Variants in TNFSF4 observed in about 807,000 individuals in gnomAD.
TNFSF4 encodes tumor necrosis factor ligand superfamily member 4.
Under a neutral mutation model 7.3 loss-of-function variants are expected in TNFSF4, and 4 were observed. The observed-to-expected ratio is 0.55, with a 90% CI of 0.27 to 1.25. The LOEUF is 1.25. Ranked by LOEUF, TNFSF4 falls within the 50% of genes most tolerant of loss-of-function variation. The probability of loss-of-function intolerance (pLI) is 0.12; values close to 1 mark genes in which losing one functional copy is unlikely to be tolerated. For synonymous variants in TNFSF4, 76 were observed against 83.7 expected (o/e 0.91, Z 0.50); for missense variants, 181 against 208.8 (o/e 0.87, Z 0.82).
At chr1:173,314,211 T>C in the TNFSF4 span, among the ~76,000 whole-genome samples, 2 of 152,180 alleles carry the variant, frequency 1.3e-5, no homozygotes, top group Non-Finnish European at 2.9e-5. Flanking sequence ...AATTTTCTGA[T>C]CCCAGTGATT....
the TNFSF4 span, among the ~76,000 whole-genome samples, chr1:173,257,089 C>T: frequency 6.6e-6 from 1 of 152,234 alleles, no homozygotes; most frequent in African/African-American, 2.4e-5. Context: ...CTCCCTCTCA[C>T]GTGGGAGAAG....
At chr1:173,429,921 G>C in the TNFSF4 span, among the ~76,000 whole-genome samples, 4 of 152,192 alleles carry the variant, frequency 2.6e-5, no homozygotes, top group Non-Finnish European at 4.4e-5. Flanking sequence ...GACGCTGTCA[G>C]CTGCTGCTTT....
the TNFSF4 span, among the ~76,000 whole-genome samples, chr1:173,283,443 C>G: frequency 6.6e-6 from 1 of 152,104 alleles, no homozygotes; most frequent in Non-Finnish European, 1.5e-5. Context: ...GAGATTCCCA[C>G]AGTAAGCCAG....
At chr1:173,337,731 G>A in the TNFSF4 span, among the ~76,000 whole-genome samples, 1 of 152,216 alleles carries the variant, frequency 6.6e-6, no homozygotes, top group Non-Finnish European at 1.5e-5. Context: ...GGCCAGACTT[G>A]TGATTATATA....
downstream of TNFSF4, among the ~76,000 whole-genome samples, chr1:173,179,631 C>T (rs2101974426): frequency 6.6e-6 from 1 of 152,272 alleles, no homozygotes; most frequent in South Asian, 2.1e-4. Flanking sequence ...AAATAAGATA[C>T]AAGTTTTTTT....
chr1:173,330,885 CTT>C, the TNFSF4 span, among the ~76,000 whole-genome samples: 52,380 of 137,966 alleles, frequency 0.38, 9,472 homozygotes, highest in East Asian at 0.58. Context: ...CTTTTCTTAT[CTT>C]TTTTTTTTTT....
chr1:173,352,057 A>AT, the TNFSF4 span: 1 of 347,404 alleles, frequency 2.9e-6, no homozygotes, highest in South Asian at 4.7e-5. Flanking sequence ...ATGAAGAAAA[A>AT]ATATATATAC....
At chr1:173,264,064 T>A in the TNFSF4 span, among the ~76,000 whole-genome samples, 1 of 152,238 alleles carries the variant, frequency 6.6e-6, no homozygotes, top group African/African-American at 2.4e-5. Context: ...ATAATCTGTA[T>A]AACAAACCCC....
the TNFSF4 span, among the ~76,000 whole-genome samples, chr1:173,253,081 C>G: frequency 3.3e-5 from 5 of 152,158 alleles, no homozygotes; most frequent in African/African-American, 4.8e-5. Context: ...TTTTGGCTGA[C>G]CCTTCAATTT....
the TNFSF4 span, among the ~76,000 whole-genome samples, chr1:173,255,877 G>A: frequency 6.6e-6 from 1 of 152,082 alleles, no homozygotes; most frequent in African/African-American, 2.4e-5. Flanking sequence ...GTGTAGGTCA[G>A]GATTCAGTTA....
the TNFSF4 span, among the ~76,000 whole-genome samples, chr1:173,449,136 AGT>A: frequency 5.9e-5 from 9 of 152,134 alleles, no homozygotes; most frequent in South Asian, 1.9e-3. Flanking sequence ...CTCATTTAAA[AGT>A]GTGTGGCACC....
At chr1:173,192,821 T>G (rs1309017104) in intron 1 of TNFSF4, among the ~76,000 whole-genome samples, 1 of 152,168 alleles carries the variant, frequency 6.6e-6, no homozygotes, top group African/African-American at 2.4e-5. Flanking sequence ...CCTTAATCTG[T>G]AAAATGGAGA....
At chr1:173,268,950 C>T in the TNFSF4 span, among the ~76,000 whole-genome samples, 1 of 152,096 alleles carries the variant, frequency 6.6e-6, no homozygotes, top group East Asian at 1.9e-4. Context: ...ATAAAGACCA[C>T]AGTTGTAAAT....
chr1:173,378,013 A>T, the TNFSF4 span, among the ~76,000 whole-genome samples: 41 of 152,340 alleles, frequency 2.7e-4, no homozygotes, highest in African/African-American at 8.7e-4. Context: ...ATGTGTCAGT[A>T]AGGGCCTCTA....
the TNFSF4 span, chr1:173,363,086 T>G: frequency 2.9e-6 from 1 of 346,666 alleles, no homozygotes; most frequent in Non-Finnish European, 5.7e-6. Context: ...ACATGTTTCC[T>G]TTCCTGTTCT....
chr1:173,336,541 G>A, the TNFSF4 span, among the ~76,000 whole-genome samples: 1 of 152,246 alleles, frequency 6.6e-6, no homozygotes, highest in East Asian at 1.9e-4. Context: ...GAGCCCACAA[G>A]GCCAGAAATA....
At chr1:173,227,204 T>C in the TNFSF4 span, among the ~76,000 whole-genome samples, 1 of 152,180 alleles carries the variant, frequency 6.6e-6, no homozygotes, top group Non-Finnish European at 1.5e-5. Flanking sequence ...TTAGAATGTT[T>C]AAATCTAATT....
chr1:173,234,275 G>A, the TNFSF4 span, among the ~76,000 whole-genome samples: 97 of 152,296 alleles, frequency 6.4e-4, no homozygotes, highest in African/African-American at 2.3e-3. Flanking sequence ...TTAGGATGGT[G>A]ATCATTAAAA....
At chr1:173,417,181 C>T in the TNFSF4 span, among the ~76,000 whole-genome samples, 2 of 152,122 alleles carry the variant, frequency 1.3e-5, no homozygotes, top group African/African-American at 4.8e-5. Context: ...GAGCATAGAC[C>T]CAGGAGTCAG....
Sources: gnomAD v4.1 joint callset for allele counts (sites outside exome capture counted in the v4.1 genomes callset) on GRCh38, gnomAD v4.1.1 for gene constraint, MANE v1.5 for transcripts, NCBI Gene and HGNC (gene_info 2026-07-23, HGNC 2026-07-21) for gene names.